INTS2: variants seen among roughly 807,000 people sequenced by gnomAD.
INTS2 encodes the protein integrator complex subunit 2.
In INTS2, 57 loss-of-function variants were observed where a neutral mutation model predicts 139.6. That is an observed-to-expected ratio of 0.41 (90% confidence interval 0.33 to 0.51). The LOEUF (loss-of-function observed/expected upper bound fraction) is 0.51, where lower values mean the gene tolerates loss of function less well. Among genes scored for constraint, INTS2 ranks in the 20% least tolerant of loss-of-function variants. INTS2 has a pLI of 0.28. For synonymous variants in INTS2, 473 were observed against 493.4 expected, an observed-to-expected ratio of 0.96 and a Z score of 0.55; for missense variants, 1,196 against 1,436.7, an observed-to-expected ratio of 0.83 and a Z score of 2.71.
intron 16 of INTS2, among the ~76,000 whole-genome samples, chr17:61,884,144 T>C (rs923611046): frequency 6.6e-6 from 1 of 152,042 alleles, no homozygotes; most frequent in African/African-American, 2.4e-5. Context: ...CAGATCTACC[T>C]GTACTGATAT....
chr17:61,883,946 T>C (rs2079201529), intron 16 of INTS2, among the ~76,000 whole-genome samples: 1 of 151,238 alleles, frequency 6.6e-6, no homozygotes, highest in Admixed American at 6.6e-5. Context: ...AGTTTGAGGC[T>C]GCAGTTACCC....
At chr17:61,913,006 G>A (rs941557173) in intron 5 of INTS2, among the ~76,000 whole-genome samples, 3 of 151,710 alleles carry the variant, frequency 2.0e-5, no homozygotes, top group Admixed American at 2.0e-4. Context: ...AACCCGGGAG[G>A]TGGAAGTTGC....
At chr17:61,905,162 G>A (rs963744364) in intron 8 of INTS2, among the ~76,000 whole-genome samples, 6 of 151,664 alleles carry the variant, frequency 4.0e-5, no homozygotes, top group Admixed American at 3.9e-4. Context: ...GCTGGTCTCA[G>A]ACTCCTGGGC....
intron 17 of INTS2, among the ~76,000 whole-genome samples, chr17:61,878,317 C>T (rs1315877280): frequency 2.0e-5 from 3 of 152,116 alleles, no homozygotes; most frequent in African/African-American, 4.8e-5. Context: ...AATCCCAGCA[C>T]TTTGGGAGGC....
chr17:61,878,004 G>C lies in INTS2; in HGVS notation c.2339C>G (p.Pro780Arg), dbSNP rs889067644. 3.7e-6 allele frequency: 6 copies of C among 1,611,962 alleles called. No individual in the cohort carries two copies. The African/African-American group carries it at 8.0e-5, about 22-fold the overall frequency. ...ATTGGATGTTAACACTTCCGCATAT[G>C]GTATAAGTTCACTGGCAGAGAGTAG... ...LTLLSASELI[P>R]YAEVLTSNMS... Residue 780 changes from proline to arginine, a missense_variant, in exon 18 of 25, where the codon CCA (proline) becomes CGA (arginine). Coordinates refer to ENST00000251334, the MANE Select transcript of INTS2 (RefSeq NM_001351695.2).
chr17:61,884,498 C>G (rs2079206854), intron 16 of INTS2, among the ~76,000 whole-genome samples: 1 of 151,756 alleles, frequency 6.6e-6, no homozygotes, highest in Admixed American at 6.6e-5. Context: ...GTCTCAAAAA[C>G]AAAAACAAAC....
Position 61,893,377 on chromosome 17 carries a change from A to G in INTS2, c.1698+388T>C, listed in dbSNP as rs1391147374. ...CAAACTGAAATACAACTGGGGAGAA[A>G]GCATTAATTTAGGTTGTTCTTTGAA... is the stretch of plus-strand genomic sequence containing the variant. On this transcript the variant is annotated intron_variant, in intron 13 of 24. Transcript: ENST00000251334. This position sits in a 1 kb window ranked among gnomAD's most constrained non-coding sequence, Gnocchi z 5.4. Among the ~76,000 whole-genome samples the G allele has an allele frequency of 6.6e-6, 1 of 152,056 alleles. No homozygotes were observed. The highest frequency in any genetic ancestry group is 1.5e-5 in the Non-Finnish European group (1 of 68,026).
intron 4 of INTS2, among the ~76,000 whole-genome samples, chr17:61,920,422 T>C (rs907514375): frequency 6.0e-5 from 9 of 150,482 alleles, no homozygotes; most frequent in Non-Finnish European, 1.3e-4. Context: ...CCTCAGGTGA[T>C]CCACCCACCT....
intron 3 of INTS2, 124 bp from the exon 4 acceptor site, chr17:61,921,951 G>C (rs2079646227): frequency 1.8e-6 from 1 of 546,228 alleles, no homozygotes; most frequent in Non-Finnish European, 3.3e-6. Context: ...TACCACAGCA[G>C]AATATGCAGT....
intron 1 of INTS2, among the ~76,000 whole-genome samples, chr17:61,926,940 G>A (rs2079721990): frequency 6.6e-6 from 1 of 152,202 alleles, no homozygotes; most frequent in South Asian, 2.1e-4. Flanking sequence ...AGCCCAGAGA[G>A]ATGAAGTAAC....
At position 61,877,955 on chromosome 17, in the gene INTS2, C is replaced by A. The variant is rs1195397471; in HGVS notation, c.2388G>T (p.Gly796=). 2 of 1,613,708 alleles carry A rather than the reference C, an allele frequency of 1.2e-6. No individual in the cohort carries two copies. Among genetic ancestry groups the A allele is most frequent in the Non-Finnish European group, 8.5e-7 (1 of 1,179,706 alleles). The change falls in exon 18 of 25, where the codon GGG becomes GGT. Residue 796 remains glycine, a synonymous_variant. Coordinates refer to ENST00000251334, the MANE Select transcript of INTS2 (RefSeq NM_001351695.2). ...CTGTTTGCAGAATTCTCCGTGGAAC[C>A]CCTGAATTCAATAGCTGGCTCATAT... The part of the protein sequence containing the change: ...TSNMSQLLNS[G]VPRRILQTVN...
rs1249122076 is a variant in INTS2, at chr17:61,869,599, G to A, written c.3030+138C>T. On this transcript the variant is annotated intron_variant, in intron 21 of 24. Coordinates refer to ENST00000251334, the MANE Select transcript of INTS2 (RefSeq NM_001351695.2). This position sits in a 1 kb window ranked among gnomAD's most constrained non-coding sequence, Gnocchi z 5.4. ...TAAAAAAAAAAACAACTAAAAATCTGGATTTTTCTCCATATTGCAAAAGCC... is the reference window on the plus strand; with the variant it reads ...TAAAAAAAAAAACAACTAAAAATCTAGATTTTTCTCCATATTGCAAAAGCC... 16 of 1,084,486 alleles carry A rather than the reference G, an allele frequency of 1.5e-5. 1 individual carries two copies. Among genetic ancestry groups the A allele is most frequent in the Middle Eastern group, 2.5e-4 (1 of 4,054 alleles). The allele number at this position is 1,084,486 out of a possible 1,614,324, so 67.2% of individuals were successfully genotyped here. A position where few individuals can be genotyped will look rare whatever the true frequency, so the allele number is the denominator to read the frequency against.
At position 61,872,447 on chromosome 17, in the gene INTS2, T is replaced by A; in HGVS notation, c.2596A>T (p.Met866Leu). The change falls in exon 20 of 25, where the codon ATG becomes TTG. Residue 866 changes from methionine to leucine, a missense_variant. Physicochemically the swap from Met to Leu is conservative, Grantham distance 15. Around this residue, in one of 3 missense-constraint regions of INTS2, gnomAD observed 1,129 missense variants for 1,341.9 expected, o/e 0.84. Transcript: ENST00000251334. The surrounding 1 kb of genome is among the most constrained non-coding windows in gnomAD (Gnocchi z 4.8). ...DQRVHRCPPL[M>L]DITLHMLNGY... ...TTCAACATGTGTAGGGTAATATCCATCAGTGGGGGGCATCTAAACAAGGAA... is the reference window on the plus strand; with the variant it reads ...TTCAACATGTGTAGGGTAATATCCAACAGTGGGGGGCATCTAAACAAGGAA... The A allele has an allele frequency of 2.5e-6, 4 of 1,580,934 alleles. No individual in the cohort carries two copies. Among genetic ancestry groups the A allele is most frequent in the Non-Finnish European group, 2.6e-6 (3 of 1,158,518 alleles).
intron 15 of INTS2, among the ~76,000 whole-genome samples, chr17:61,886,112 T>C (rs2145919973): frequency 6.6e-6 from 1 of 151,794 alleles, no homozygotes; most frequent in South Asian, 2.1e-4. Context: ...ATGCAGTGGT[T>C]CAATCTTGGC....
intron 7 of INTS2, 130 bp from the exon 8 acceptor site, chr17:61,907,764 A>T: frequency 1.5e-6 from 1 of 673,368 alleles, no homozygotes; most frequent in Non-Finnish European, 2.5e-6. Context: ...GTGACTACAG[A>T]ATCTCATTTT....
intron 9 of INTS2, among the ~76,000 whole-genome samples, chr17:61,898,443 C>T (rs554442824): frequency 2.3e-4 from 35 of 151,728 alleles, no homozygotes; most frequent in Non-Finnish European, 4.6e-4. Context: ...TACAGGCATG[C>T]GCTACTGCAT....
At chr17:61,900,009 A>C (rs1443696838) in intron 9 of INTS2, among the ~76,000 whole-genome samples, 1 of 152,150 alleles carries the variant, frequency 6.6e-6, no homozygotes, top group African/African-American at 2.4e-5. Flanking sequence ...CATGTACCTA[A>C]TTTTACACCA....
chr17:61,903,174 G>GAA (rs551514700), intron 9 of INTS2, among the ~76,000 whole-genome samples: 6 of 59,976 alleles, frequency 1.0e-4, no homozygotes, highest in African/African-American at 2.0e-4. Flanking sequence ...CTCAAAAAAG[G>GAA]AAAAAAAAAA....
chr17:61,867,900 G>A lies in INTS2; in HGVS notation c.3354C>T (p.Ile1118=). The A allele has an allele frequency of 2.5e-6, 4 of 1,612,050 alleles. No homozygotes were observed. Among genetic ancestry groups the A allele is most frequent in the East Asian group, 2.2e-5 (1 of 44,856 alleles). The stretch of plus-strand genomic sequence containing the variant: ...CAGAGGCACAAACTTGCCCTATTTG[G>A]ATCAGCAAAGACATAATATCCTCAT... ...PLYEDIMSLL[I]QIGQVCASDV... The change falls in exon 24 of 25, where the codon ATC becomes ATT. Residue 1118 remains isoleucine (I), a synonymous_variant. Transcript: ENST00000251334. This position sits in a 1 kb window ranked among gnomAD's most constrained non-coding sequence, Gnocchi z 5.6.
Sources: gnomAD v4.1 joint callset for allele counts (sites outside exome capture counted in the v4.1 genomes callset) on GRCh38, gnomAD v4.1.1 for gene constraint, gnomAD v4.1.1 regional missense constraint, Gnocchi (gnomAD v3.1) non-coding constraint, MANE v1.5 for transcripts, NCBI Gene and HGNC (gene_info 2026-07-23, HGNC 2026-07-21) for gene names.